Variants in ABCC11 observed in about 807,000 individuals in gnomAD.
ABCC11 encodes ATP binding cassette subfamily C member 11.
In ABCC11, 135 loss-of-function variants were observed where a neutral mutation model predicts 149.3. That is an observed-to-expected ratio of 0.90 (90% CI 0.79 to 1.04). The LOEUF (loss-of-function observed/expected upper bound fraction) is 1.04. Ranked by LOEUF, ABCC11 falls within the 50% of genes least tolerant of loss-of-function variation. ABCC11 has a pLI of 0.00. For synonymous variants in ABCC11, 665 were observed against 671.4 expected (o/e 0.99, Z 0.15); for missense variants, 1,680 against 1,722.1 (o/e 0.98, Z 0.43).
At chr16:48,244,253 C>T in intron 1 of ABCC11, 1 of 625,048 alleles carries the variant, frequency 1.6e-6, no homozygotes, top group Non-Finnish European at 2.6e-6. Flanking sequence ...GGCTTTTGGG[C>T]CCGGGGACGG....
chr16:48,239,300 C>T (rs1251703404), intron 1 of ABCC11, among the ~76,000 whole-genome samples: 2 of 152,076 alleles, frequency 1.3e-5, no homozygotes, highest in African/African-American at 2.4e-5. Flanking sequence ...AGGTGGCTCA[C>T]GCCTGTAATC....
intron 3 of ABCC11, among the ~76,000 whole-genome samples, chr16:48,230,050 C>T (rs994820468): frequency 9.2e-5 from 14 of 152,192 alleles, no homozygotes; most frequent in Admixed American, 7.9e-4. Flanking sequence ...CATGGTTCTC[C>T]GGTCCCTCAA....
At chr16:48,226,834 T>G (rs1406045205) in intron 4 of ABCC11, among the ~76,000 whole-genome samples, 2 of 152,162 alleles carry the variant, frequency 1.3e-5, no homozygotes, top group African/African-American at 4.8e-5. Context: ...TAACACAACA[T>G]TTCACAAACT....
chr16:48,192,776 A>C lies in ABCC11; in HGVS notation c.2509-59T>G, dbSNP rs1398917730. 1.9e-6 allele frequency: 3 copies of C among 1,559,848 alleles called. No homozygotes were observed. The African/African-American group carries it at 4.1e-5, about 21-fold the overall frequency. On this transcript the variant is annotated intron_variant, in intron 19 of 29. Coordinates refer to ENST00000356608, the MANE Select transcript of ABCC11 (RefSeq NM_001370497.1). The stretch of plus-strand genomic sequence containing the variant: ...GTCCGGGGGAAATTCAGTGGCAGGG[A>C]AAGCCTTCTCCCTGGGGCCACGTGA...
chr16:48,227,436 G>A (rs532768993), intron 4 of ABCC11, among the ~76,000 whole-genome samples: 24 of 147,322 alleles, frequency 1.6e-4, no homozygotes, highest in Admixed American at 3.4e-4. Context: ...ATTGCACCAC[G>A]CTGCACTCCA....
intron 14 of ABCC11, among the ~76,000 whole-genome samples, chr16:48,201,125 T>G (rs1350836952): frequency 6.6e-6 from 1 of 152,240 alleles, no homozygotes; most frequent in Non-Finnish European, 1.5e-5. Context: ...TTTAAAGATA[T>G]ATGACTTTTA....
intron 4 of ABCC11, among the ~76,000 whole-genome samples, chr16:48,225,135 C>A (rs2024260886): frequency 6.6e-6 from 1 of 152,038 alleles, no homozygotes; most frequent in African/African-American, 2.4e-5. Context: ...TGGCTTGAAC[C>A]CGGGAGGTGA....
chr16:48,191,185 AC>A (rs776130472), intron 20 of ABCC11, among the ~76,000 whole-genome samples: 1 of 152,236 alleles, frequency 6.6e-6, no homozygotes, highest in Non-Finnish European at 1.5e-5. Flanking sequence ...TTAATAATGT[AC>A]CAATATTGAC....
intron 24 of ABCC11, among the ~76,000 whole-genome samples, chr16:48,177,977 AG>A (rs1443158490): frequency 6.6e-6 from 1 of 152,246 alleles, no homozygotes; most frequent in African/African-American, 2.4e-5. Context: ...CCCATGAGAT[AG>A]TCTAGATAAA....
intron 27 of ABCC11, among the ~76,000 whole-genome samples, chr16:48,170,437 T>C (rs1222660180): frequency 6.6e-6 from 1 of 152,146 alleles, no homozygotes; most frequent in Admixed American, 6.5e-5. Context: ...AAAAGATCTT[T>C]CATCGGCTGC....
At chr16:48,226,422 A>G (rs1239223978) in intron 4 of ABCC11, among the ~76,000 whole-genome samples, 1 of 151,776 alleles carries the variant, frequency 6.6e-6, no homozygotes, top group Non-Finnish European at 1.5e-5. Context: ...CTACAGAGGC[A>G]CCCGCCTCCA....
At chr16:48,230,175 C>T (rs562383963) in intron 3 of ABCC11, among the ~76,000 whole-genome samples, 5 of 152,342 alleles carry the variant, frequency 3.3e-5, no homozygotes, top group South Asian at 2.1e-4. Context: ...GCAAAGATCA[C>T]GTCTGTTTGC....
intron 24 of ABCC11, 112 bp from the exon 25 acceptor site, chr16:48,177,225 T>C: frequency 9.2e-7 from 1 of 1,092,376 alleles, no homozygotes; most frequent in Non-Finnish European, 1.3e-6. Flanking sequence ...CAGCCTGCCT[T>C]GCGCCAAGGT....
chr16:48,203,241 C>T lies in ABCC11; in HGVS notation c.1865G>A (p.Gly622Glu), dbSNP rs1336855601. The T allele has an allele frequency of 3.8e-6, 6 of 1,577,624 alleles. No individual in the cohort carries two copies. Among genetic ancestry groups the T allele is most frequent in the Non-Finnish European group, 5.2e-6 (6 of 1,160,720 alleles). Residue 622 changes from glycine to glutamate, a missense_variant, in exon 14 of 30, where the codon GGA becomes GAA. Coordinates refer to ENST00000356608, the MANE Select transcript of ABCC11 (RefSeq NM_001370497.1). The stretch of plus-strand genomic sequence containing the variant: ...CCTCCCTCTCACCTCTGTCATGTCT[C>T]CAAAGGGCAGAAGTTCCAGGTCCCG... Reference protein sequence around the residue: ...LNRDLELLPFGDMTEIGERGL... With the variant: ...LNRDLELLPFEDMTEIGERGL...
rs1967391034 is a variant in ABCC11, at chr16:48,196,197, CAA to C, written c.2404+33_2404+34del. The C allele has an allele frequency of 1.9e-6, 3 of 1,609,212 alleles. No individual in the cohort carries two copies. In the African/African-American group the frequency reaches 4.0e-5, roughly 21 times the overall value. On this transcript the variant is annotated intron_variant, in intron 18 of 29. Transcript: ENST00000356608. Reference sequence around the variant, plus strand: ...CCCAGTTCCAGGGATAGGGCTGCTCCAAGAGAGAGCCCTGGGCTGGCATGGGG... The same window carrying C: ...CCCAGTTCCAGGGATAGGGCTGCTCCGAGAGAGCCCTGGGCTGGCATGGGG...
At chr16:48,185,685 G>C (rs555795779) in intron 22 of ABCC11, among the ~76,000 whole-genome samples, 1 of 152,208 alleles carries the variant, frequency 6.6e-6, no homozygotes, top group Non-Finnish European at 1.5e-5. Context: ...CCCCAGCAGA[G>C]TGGCCCTTCT....
At chr16:48,220,314 C>A (rs1323303254) in intron 6 of ABCC11, among the ~76,000 whole-genome samples, 1 of 152,232 alleles carries the variant, frequency 6.6e-6, no homozygotes, top group Admixed American at 6.5e-5. Flanking sequence ...CCTTTCCTTG[C>A]CTCAGTTTCC....
rs1479718692 is a variant in ABCC11, at chr16:48,244,220, C to T, written c.-19+3094G>A. The T allele has an allele frequency of 2.5e-5, 14 of 554,114 alleles. No homozygotes were observed. In the Admixed American group the frequency reaches 3.8e-4, roughly 15 times the overall value. The allele number at this position is 554,114 out of a possible 1,614,324, so 34.3% of individuals were successfully genotyped here. A position where few individuals can be genotyped will look rare whatever the true frequency, so the allele number is the denominator to read the frequency against. ...CGCTCAAGTCTTACCGGGAGGCTCT[C>T]CTAGAGAGCAGCGCGAAGCCATGGC... is the stretch of plus-strand genomic sequence containing the variant. On this transcript the variant is annotated intron_variant, in intron 1 of 29. Coordinates refer to ENST00000356608, the MANE Select transcript of ABCC11 (RefSeq NM_001370497.1).
intron 23 of ABCC11, among the ~76,000 whole-genome samples, chr16:48,180,469 C>T (rs1199139720): frequency 6.6e-6 from 1 of 152,184 alleles, no homozygotes; most frequent in African/African-American, 2.4e-5. Flanking sequence ...TGAGCATAGG[C>T]CTACCCCAGC....
Sources: gnomAD v4.1 joint callset for allele counts (sites outside exome capture counted in the v4.1 genomes callset) on GRCh38, gnomAD v4.1.1 for gene constraint, MANE v1.5 for transcripts, NCBI Gene and HGNC (gene_info 2026-07-23, HGNC 2026-07-21) for gene names.